The following ERAP1 variants were observed in gnomAD, a reference collection of about 807,000 sequenced individuals.
ERAP1 encodes endoplasmic reticulum aminopeptidase 1.
ERAP1 carries 86 observed loss-of-function variants against 103.7 expected under a neutral mutation model. That is an observed-to-expected ratio of 0.83 (90% CI 0.70 to 0.99). The LOEUF is 0.99. ERAP1 is among the 50% of genes least tolerant of loss of function. ERAP1 has a pLI of 0.00. For synonymous variants in ERAP1, 398 were observed against 402.4 expected, an observed-to-expected ratio of 0.99 and a Z score of 0.13; for missense variants, 1,009 against 1,128.4, an observed-to-expected ratio of 0.89 and a Z score of 1.52.
intron 18 of ERAP1, chr5:96,776,848 A>G: frequency 3.0e-6 from 1 of 336,874 alleles, no homozygotes; most frequent in South Asian, 3.8e-5. Context: ...TTAATGTGTT[A>G]TTCTGTTCTG....
chr5:96,882,277 A>G, the ERAP1 span, among the ~76,000 whole-genome samples: 139 of 152,302 alleles, frequency 9.1e-4, 1 homozygote, highest in Middle Eastern at 3.4e-3. Flanking sequence ...CAAAGGACAT[A>G]TATCTTAGGG....
At chr5:96,927,269 C>T in the ERAP1 span, among the ~76,000 whole-genome samples, 412 of 152,338 alleles carry the variant, frequency 2.7e-3, 3 homozygotes, top group African/African-American at 9.5e-3. Context: ...ACATTCCCAT[C>T]AGCAGTGTAT....
At chr5:96,793,985 A>G in intron 5 of ERAP1, 28 bp from the exon 6 acceptor site, 1 of 1,611,594 alleles carries the variant, frequency 6.2e-7, no homozygotes, top group Non-Finnish European at 8.5e-7. Flanking sequence ...AAAATACATT[A>G]CCAGTCTCTA....
the ERAP1 span, chr5:96,915,593 T>A: frequency 1.7e-6 from 1 of 578,500 alleles, no homozygotes; most frequent in East Asian, 3.5e-5. Context: ...GCTTATCACA[T>A]AGTTATTAAT....
the ERAP1 span, among the ~76,000 whole-genome samples, chr5:96,897,694 G>T: frequency 6.6e-6 from 1 of 152,042 alleles, no homozygotes; most frequent in Non-Finnish European, 1.5e-5. Flanking sequence ...TAATTCAGAT[G>T]ATTCTAATAA....
chr5:96,866,866 T>G, the ERAP1 span, among the ~76,000 whole-genome samples: 1 of 152,206 alleles, frequency 6.6e-6, no homozygotes, highest in African/African-American at 2.4e-5. Context: ...AGTTCCATAC[T>G]GCCTCTCTGG....
At chr5:96,767,990 C>T (rs767589566) in intron 19 of ERAP1, 2 of 1,608,388 alleles carry the variant, frequency 1.2e-6, no homozygotes, top group Non-Finnish European at 1.7e-6. Flanking sequence ...CCTCACAGAA[C>T]ACAGCAAAGG....
chr5:96,822,278 G>A, the ERAP1 span, among the ~76,000 whole-genome samples: 3 of 151,882 alleles, frequency 2.0e-5, no homozygotes, highest in Non-Finnish European at 4.4e-5. Context: ...TTTGTTTTTT[G>A]TATTGTCGTC....
At chr5:96,882,913 A>T in the ERAP1 span, among the ~76,000 whole-genome samples, 70 of 152,236 alleles carry the variant, frequency 4.6e-4, no homozygotes, top group African/African-American at 1.7e-3. Context: ...TTTCCAGTCA[A>T]AATCTGCTCT....
chr5:96,812,515 A>G (rs747671921), upstream of ERAP1, among the ~76,000 whole-genome samples: 16 of 152,240 alleles, frequency 1.1e-4, no homozygotes, highest in Non-Finnish European at 2.4e-4. Flanking sequence ...GCATATGCCT[A>G]AAGGAATGAT....
At chr5:96,855,067 GT>G in the ERAP1 span, among the ~76,000 whole-genome samples, 1 of 152,154 alleles carries the variant, frequency 6.6e-6, no homozygotes, top group Admixed American at 6.5e-5. Context: ...ATATTATGAA[GT>G]TTTTTCTCTA....
chr5:96,841,884 C>A, the ERAP1 span, among the ~76,000 whole-genome samples: 7 of 151,654 alleles, frequency 4.6e-5, no homozygotes, highest in Non-Finnish European at 1.0e-4. Flanking sequence ...TTGGTGCACC[C>A]GTCACCGAGC....
the ERAP1 span, among the ~76,000 whole-genome samples, chr5:96,842,383 T>C: frequency 1.3e-4 from 20 of 152,240 alleles, no homozygotes; most frequent in Non-Finnish European, 2.8e-4. Context: ...GTGGCAGTTG[T>C]ACTAGTTTAC....
chr5:96,793,922 T>C lies in ERAP1; in HGVS notation c.955A>G (p.Met319Val), dbSNP rs556623443. Residue 319 changes from methionine (M) to valine (V), a missense_variant, in exon 6 of 19, where the codon ATG becomes GTG. Around this residue, in one of 3 missense-constraint regions of ERAP1, gnomAD observed 392 missense variants for 455.2 expected, o/e 0.86. Transcript: ENST00000443439. ...AAIPDFQSGA[M>V]ENWGLTTYRE... ...TATGTTGTCAGTCCCCAGTTTTCCA[T>C]AGCACCAGACTGAAAGTCGGGAATA... The C allele has an allele frequency of 2.4e-5, 39 of 1,614,162 alleles. No individual in the cohort carries two copies. In the East Asian group the frequency reaches 4.5e-4, roughly 18 times the overall value.
the ERAP1 span, chr5:96,873,798 G>C: frequency 5.0e-6 from 1 of 199,582 alleles, no homozygotes; most frequent in South Asian, 8.7e-5. Flanking sequence ...TCAGCAGTTA[G>C]AGGGCAGAGT....
chr5:96,856,394 A>AGAGAGAGAGAGC, the ERAP1 span, among the ~76,000 whole-genome samples: 1 of 123,764 alleles, frequency 8.1e-6, no homozygotes, highest in African/African-American at 2.9e-5. Flanking sequence ...AGAGAGAGAG[A>AGAGAGAGAGAGC]GCAAATACTT....
the ERAP1 span, among the ~76,000 whole-genome samples, chr5:96,930,034 G>A: frequency 6.6e-6 from 1 of 152,082 alleles, no homozygotes; most frequent in South Asian, 2.1e-4. Context: ...GGGACCCCAG[G>A]GTAACCTTGA....
chr5:96,864,089 C>A, the ERAP1 span, among the ~76,000 whole-genome samples: 1 of 152,108 alleles, frequency 6.6e-6, no homozygotes, highest in Non-Finnish European at 1.5e-5. Flanking sequence ...CACATTTACA[C>A]GCACACAAGA....
chr5:96,901,764 C>A, the ERAP1 span: 1 of 1,405,634 alleles, frequency 7.1e-7, no homozygotes, highest in Non-Finnish European at 9.7e-7. Flanking sequence ...GCTCATCTGG[C>A]AACTTTGTAG....
Sources: gnomAD v4.1 joint callset for allele counts (sites outside exome capture counted in the v4.1 genomes callset) on GRCh38, gnomAD v4.1.1 for gene constraint, gnomAD v4.1.1 regional missense constraint, MANE v1.5 for transcripts, NCBI Gene and HGNC (gene_info 2026-07-23, HGNC 2026-07-21) for gene names.